CYP11B1: variants seen among roughly 807,000 people sequenced by gnomAD.
CYP11B1 encodes the protein cytochrome P450 11B1, mitochondrial.
In CYP11B1, 34 loss-of-function variants were observed where a neutral mutation model predicts 48.3. The observed-to-expected ratio is 0.70, with a 90% CI of 0.54 to 0.94. The LOEUF is 0.94. Ranked by LOEUF, CYP11B1 falls within the 40% of genes least tolerant of loss-of-function variation. The probability of loss-of-function intolerance (pLI) is 0.00; values close to 1 mark genes in which losing one functional copy is unlikely to be tolerated. For synonymous variants in CYP11B1, 291 were observed against 262.5 expected (o/e 1.11, Z -1.05); for missense variants, 688 against 657.4 (o/e 1.05, Z -0.51).
intron 6 of CYP11B1, 90 bp from the exon 7 acceptor site, chr8:142,875,402 G>A (rs543661596): frequency 7.2e-7 from 1 of 1,391,194 alleles, no homozygotes. Context: ...ACCCGCAGAG[G>A]TCCCAGATCC....
In CYP11B1 at chr8:142,874,111, A is replaced by C. The variant is rs1288858310; in HGVS notation, c.*262T>G. ...TGGGAGGGATGGGGGCAAACTGCCC[A>C]GAGGACAGTGCTTGCTGGAGAAAGG... is the stretch of plus-strand genomic sequence containing the variant. On this transcript the variant is annotated 3_prime_UTR_variant, in exon 9 of 9. Coordinates refer to ENST00000292427, the MANE Select transcript of CYP11B1 (RefSeq NM_000497.4). 3 of 541,950 alleles carry C rather than the reference A, an allele frequency of 5.5e-6. No individual in the cohort carries two copies. Among genetic ancestry groups the C allele is most frequent in the Non-Finnish European group, 1.0e-5 (3 of 299,776 alleles). The allele number at this position is 541,950 out of a possible 1,614,324, so 33.6% of individuals were successfully genotyped here.
At chr8:142,877,666 G>A (rs1817004590) in intron 2 of CYP11B1, 1 of 1,385,210 alleles carries the variant, frequency 7.2e-7, no homozygotes, top group Admixed American at 1.8e-5. Context: ...TCCCTGCCCT[G>A]GGCACAGTGC....
intron 2 of CYP11B1, among the ~76,000 whole-genome samples, chr8:142,878,375 C>G (rs1322622739): frequency 6.6e-6 from 1 of 152,228 alleles, no homozygotes; most frequent in African/African-American, 2.4e-5. Flanking sequence ...TTCCCCCGTC[C>G]TAATGACAAC....
Position 142,874,986 on chromosome 8 carries a change from C to T in CYP11B1, c.1369G>A (p.Glu457Lys). ...TGCAGCAGCAGCAGCATCTCTGCCT[C>T]TGCCAGGCGCCGCCCAAGGCACTGG... is the stretch of plus-strand genomic sequence containing the variant. ...MRQCLGRRLA[E>K]AEMLLLLHHV... Residue 457 changes from glutamate (E) to lysine (K), a missense_variant, in exon 8 of 9, where the codon GAG (glutamate) becomes AAG (lysine). Coordinates refer to ENST00000292427, the MANE Select transcript of CYP11B1 (RefSeq NM_000497.4). 2 of 1,614,076 alleles carry T rather than the reference C, an allele frequency of 1.2e-6. No homozygotes were observed. The highest frequency in any genetic ancestry group is 1.7e-6 in the Non-Finnish European group (2 of 1,180,026).
chr8:142,874,616 A>T, intron 8 of CYP11B1, 130 bp from the exon 9 acceptor site: 1 of 752,034 alleles, frequency 1.3e-6, no homozygotes, highest in Non-Finnish European at 2.4e-6. Context: ...AACCTGTTTC[A>T]TTCCTGACCA....
rs767401095 is a variant in CYP11B1, at chr8:142,874,418, C to T, written c.1467G>A (p.Leu489=). Residue 489 remains leucine (L), a synonymous_variant, in exon 9 of 9, where the codon TTG becomes TTA. Transcript: ENST00000292427. Reference sequence around the variant, plus strand: ...TGAGGAGGGGGAACATGCTGGGCCTCAATATGAAGCTGTAGACCATCTTTA... The same window carrying T: ...TGAGGAGGGGGAACATGCTGGGCCTTAATATGAAGCTGTAGACCATCTTTA... ...EDIKMVYSFI[L]RPSMFPLLTF... 5.0e-6 allele frequency: 8 copies of T among 1,614,012 alleles called. No homozygotes were observed. The Admixed American group carries it at 1.3e-4, about 27-fold the overall frequency.
At chr8:142,878,874 A>G (rs1046979884) in intron 2 of CYP11B1, among the ~76,000 whole-genome samples, 158 bp downstream of exon 2, 1 of 152,132 alleles carries the variant, frequency 6.6e-6, no homozygotes, top group African/African-American at 2.4e-5. Flanking sequence ...CACAGGGCAG[A>G]CACGACCCCA....
At chr8:142,875,932 G>T (rs1256714117) in intron 5 of CYP11B1, 54 bp from the exon 6 acceptor site, 1 of 1,607,882 alleles carries the variant, frequency 6.2e-7, no homozygotes, top group Non-Finnish European at 8.5e-7. Flanking sequence ...CTCAGCCCCC[G>T]GGACACCCCT....
Position 142,878,027 on chromosome 8 carries a change from G to A in CYP11B1, c.396-805C>T, listed in dbSNP as rs532070565. ...TGCACATGCACACACAGAGACACTC[G>A]TGCACACACACCACACATACATGCA... On this transcript the variant is annotated intron_variant, in intron 2 of 8. Transcript: ENST00000292427. Among the ~76,000 whole-genome samples, 9 of 149,870 alleles carry A rather than the reference G, an allele frequency of 6.0e-5. No homozygotes were observed. The South Asian group carries it at 1.1e-3, about 18-fold the overall frequency.
In CYP11B1 at chr8:142,878,905, T is replaced by C. The variant is rs185512574; in HGVS notation, c.395+127A>G. 12,567 of 1,409,990 alleles carry C rather than the reference T, an allele frequency of 8.9e-3. 109 individuals are homozygous for C. Among genetic ancestry groups the C allele is most frequent in the African/African-American group, 0.041 (2,867 of 70,458 alleles). 87.3% of individuals were successfully genotyped at this position (1,409,990 alleles called of 1,614,324 possible). The stretch of plus-strand genomic sequence containing the variant: ...CCCCACGGAATGGCCGTCCTCTGGG[T>C]CGGGTGCTCACCCTCACTGCCCACC... On this transcript the variant is annotated intron_variant, in intron 2 of 8. Transcript: ENST00000292427.
rs139569725 is a variant in CYP11B1, at chr8:142,879,737, G to A, written c.77C>T (p.Thr26Met). Residue 26 changes from threonine (T) to methionine (M), a missense_variant, in exon 1 of 9, where the codon ACG becomes ATG. Transcript: ENST00000292427. ...LSLQRAQALG[T>M]RAARVPRTVL... is the part of the protein sequence containing the mutation. ...TGTCCTGGGGACCCGGGCGGCTCTCGTGCCCAGTGCCTGTGCCCTTTGCAG... is the reference window on the plus strand; with the variant it reads ...TGTCCTGGGGACCCGGGCGGCTCTCATGCCCAGTGCCTGTGCCCTTTGCAG... 155 of 1,614,202 alleles carry A rather than the reference G, an allele frequency of 9.6e-5. No homozygotes were observed. Among genetic ancestry groups the A allele is most frequent in the African/African-American group, 1.5e-4 (11 of 75,062 alleles).
chr8:142,874,573 TTA>T, intron 8 of CYP11B1, 87 bp from the exon 9 acceptor site: 1 of 948,206 alleles, frequency 1.1e-6, no homozygotes, highest in Non-Finnish European at 1.7e-6. Flanking sequence ...GTTGCAGAGA[TTA>T]TGCTGAAGGG....
In CYP11B1 at chr8:142,879,803, C is replaced by T. The variant is rs748062304; in HGVS notation, c.11G>A (p.Arg4Lys). Residue 4 changes from arginine (R) to lysine (K), a missense_variant, in exon 1 of 9, where the codon AGG (arginine) becomes AAG (lysine). Physicochemically the swap from Arg to Lys is conservative, Grantham distance 26. Coordinates refer to ENST00000292427, the MANE Select transcript of CYP11B1 (RefSeq NM_000497.4). MALRAKAEVCMAVP... is the reference protein window; with the variant it reads MALKAKAEVCMAVP... Reference sequence around the variant, plus strand: ...TGCCATGCACACCTCTGCCTTTGCCCTGAGTGCCATTCCAATGCTCCCTCC... The same window carrying T: ...TGCCATGCACACCTCTGCCTTTGCCTTGAGTGCCATTCCAATGCTCCCTCC... 6.2e-7 allele frequency: 1 copy of T among 1,613,870 alleles called. No individual in the cohort carries two copies. The highest frequency in any genetic ancestry group is 8.5e-7 in the Non-Finnish European group (1 of 1,180,038).
At chr8:142,877,950 G>T in intron 2 of CYP11B1, 1 of 779,756 alleles carries the variant, frequency 1.3e-6, no homozygotes, top group Non-Finnish European at 2.1e-6. Context: ...AACACCATGT[G>T]TGAAGAGACA....
rs1816879944 is a variant in CYP11B1, at chr8:142,874,827, T to A, written c.1398+130A>T. ...CTCAACCTGGCCCAGGTTCTCCCAGTACCGGCTCTGCCCAGTCCAGGAAAC... is the reference window on the plus strand; with the variant it reads ...CTCAACCTGGCCCAGGTTCTCCCAGAACCGGCTCTGCCCAGTCCAGGAAAC... On this transcript the variant is annotated intron_variant, in intron 8 of 8. Transcript: ENST00000292427. 7 of 1,185,030 alleles carry A rather than the reference T, an allele frequency of 5.9e-6. No homozygotes were observed. In the Middle Eastern group the frequency reaches 8.3e-4, roughly 140 times the overall value. The allele number at this position is 1,185,030 out of a possible 1,614,324, so 73.4% of individuals were successfully genotyped here.
chr8:142,874,930 G>A (rs1255153077), intron 8 of CYP11B1, 27 bp downstream of exon 8: 1 of 1,610,940 alleles, frequency 6.2e-7, no homozygotes, highest in Non-Finnish European at 8.5e-7. Context: ...CCCCGCCCAG[G>A]CCCCTCCCCA....
intron 1 of CYP11B1, 118 bp downstream of exon 1, chr8:142,879,457 C>T: frequency 6.2e-7 from 1 of 1,613,852 alleles, no homozygotes. Flanking sequence ...TCCCCATCTT[C>T]CAAAGGATGC....
chr8:142,878,228 G>C (rs553853358), intron 2 of CYP11B1, among the ~76,000 whole-genome samples: 2 of 152,276 alleles, frequency 1.3e-5, no homozygotes, highest in East Asian at 3.9e-4. Flanking sequence ...CTCCCTCCCA[G>C]ATGTCGTCTG....
intron 2 of CYP11B1, chr8:142,877,823 T>G (rs762972603): frequency 6.3e-7 from 1 of 1,595,256 alleles, no homozygotes; most frequent in Non-Finnish European, 8.5e-7. Flanking sequence ...ATTTCCCCTG[T>G]CAGCCACATT....
Sources: gnomAD v4.1 joint callset for allele counts (sites outside exome capture counted in the v4.1 genomes callset) on GRCh38, gnomAD v4.1.1 for gene constraint, MANE v1.5 for transcripts, NCBI Gene and HGNC (gene_info 2026-07-23, HGNC 2026-07-21) for gene names.